Variants in SIPA1L2 observed in about 807,000 individuals in gnomAD.
SIPA1L2 encodes signal-induced proliferation-associated 1-like protein 2.
Under a neutral mutation model 163.9 loss-of-function variants are expected in SIPA1L2, and 56 were observed. That is an observed-to-expected ratio of 0.34 (90% CI 0.28 to 0.43). The LOEUF is 0.43. SIPA1L2 is among the 20% of genes least tolerant of loss of function. The pLI, the probability that SIPA1L2 is intolerant of heterozygous loss-of-function variation, is 1.00. For missense variants in SIPA1L2, 1,974 were observed against 2,193.5 expected (o/e 0.90, Z 2.00); for synonymous variants, 877 against 865.7 (o/e 1.01, Z -0.23).
In SIPA1L2 at chr1:232,415,425, T is replaced by C. The variant is rs532876310; in HGVS notation, c.4762+69A>G. On this transcript the variant is annotated intron_variant, in intron 19 of 22. Coordinates refer to ENST00000674635, the MANE Select transcript of SIPA1L2 (RefSeq NM_020808.5). The stretch of plus-strand genomic sequence containing the variant: ...GGGAGACAGACGGGCTCCCCTAAGA[T>C]GCCGCACAGGCCCTGCAGGAAAGCA... The C allele has an allele frequency of 4.0e-6, 6 of 1,510,328 alleles. No homozygotes were observed. In the East Asian group the frequency reaches 1.5e-4, roughly 37 times the overall value. The allele number at this position is 1,510,328 out of a possible 1,614,324, so 93.6% of individuals were successfully genotyped here. A position where few individuals can be genotyped will look rare whatever the true frequency, so the allele number is the denominator to read the frequency against.
intron 3 of SIPA1L2, 122 bp downstream of exon 3, chr1:232,513,735 G>T: frequency 9.6e-7 from 1 of 1,041,194 alleles, no homozygotes; most frequent in Non-Finnish European, 1.4e-6. Context: ...ACAAGGTCAG[G>T]CCCAGTGGAC....
intron 13 of SIPA1L2, 146 bp from the exon 14 acceptor site, chr1:232,441,540 C>T (rs554030043): frequency 2.5e-4 from 195 of 795,840 alleles, no homozygotes; most frequent in Middle Eastern, 5.0e-4. Flanking sequence ...GGATATGTCA[C>T]AAAAGTATAC....
intron 18 of SIPA1L2, among the ~76,000 whole-genome samples, chr1:232,417,076 T>C (rs536101371): frequency 6.6e-6 from 1 of 152,304 alleles, no homozygotes; most frequent in Non-Finnish European, 1.5e-5. Flanking sequence ...ACCTGGCTGT[T>C]TGAGCCTGCA....
intron 1 of SIPA1L2, among the ~76,000 whole-genome samples, chr1:232,596,096 AG>A (rs891802386): frequency 6.6e-6 from 1 of 152,176 alleles, no homozygotes; most frequent in African/African-American, 2.4e-5. Context: ...GTGAGGGTGG[AG>A]GCTAGACACA....
chr1:232,578,537 T>C (rs1660201125), intron 1 of SIPA1L2, among the ~76,000 whole-genome samples: 2 of 152,236 alleles, frequency 1.3e-5, no homozygotes. Context: ...TACTCTCATC[T>C]ATATTCTTTA....
At chr1:232,458,597 T>G (rs1664057147) in intron 10 of SIPA1L2, among the ~76,000 whole-genome samples, 1 of 152,196 alleles carries the variant, frequency 6.6e-6, no homozygotes. Flanking sequence ...AGGTAACATT[T>G]TTGTCCAATT....
Position 232,516,557 on chromosome 1 carries a change from T to G in SIPA1L2, c.-269-949A>C, listed in dbSNP as rs139950976. ...GACTACTCATTTTCCCTGTTTGCCA[T>G]ATCCTAAAATATCATTTTATTTCCT... On this transcript the variant is annotated intron_variant, in intron 2 of 22. Transcript: ENST00000674635. 3.0e-3 allele frequency among the ~76,000 whole-genome samples: 455 copies of G among 152,330 alleles called. 3 individuals are homozygous for G. The highest frequency in any genetic ancestry group is 0.018 in the South Asian group (85 of 4,824).
In SIPA1L2 at chr1:232,432,324, C is replaced by T; in HGVS notation, c.4179G>A (p.Val1393=). Residue 1393 remains valine, a synonymous_variant, in exon 16 of 23, where the codon GTG becomes GTA. Transcript: ENST00000674635. ...MSKPYHRQGA[V]NKYVIGWKKS... is the part of the protein sequence containing the mutation. ...TCTTCCAGCCGATGACATATTTGTT[C>T]ACTGCCCCTTGTCTGTGGTAGGGCT... The T allele has an allele frequency of 6.2e-7, 1 of 1,614,178 alleles. No individual in the cohort carries two copies. Among genetic ancestry groups the T allele is most frequent in the East Asian group, 2.2e-5 (1 of 44,880 alleles).
In SIPA1L2 at chr1:232,629,361, C is replaced by G. The variant is rs1172142913; in HGVS notation, c.-319+508G>C. Among the ~76,000 whole-genome samples the G allele has an allele frequency of 2.0e-5, 3 of 152,192 alleles. No homozygotes were observed. In the East Asian group the frequency reaches 5.8e-4, roughly 29 times the overall value. ...GAAAGGTCGCGGTGAGTGAGAAGAG[C>G]GCTCGCCGGAGGCTCCCGGTCTTAC... On this transcript the variant is annotated intron_variant, in intron 1 of 22. Transcript: ENST00000674635.
chr1:232,548,246 C>T (rs1044309091), intron 2 of SIPA1L2, among the ~76,000 whole-genome samples: 2 of 152,192 alleles, frequency 1.3e-5, no homozygotes, highest in African/African-American at 4.8e-5. Context: ...AGCACAGATT[C>T]GAGAACTGTA....
chr1:232,498,673 C>T (rs6670048), intron 3 of SIPA1L2, among the ~76,000 whole-genome samples: 36,449 of 152,118 alleles, frequency 0.24, 4,521 homozygotes, highest in Admixed American at 0.34. Context: ...CAGCAAGCAG[C>T]CTAGCATCTT....
At chr1:232,575,228 C>G (rs1660016259) in intron 1 of SIPA1L2, among the ~76,000 whole-genome samples, 1 of 152,142 alleles carries the variant, frequency 6.6e-6, no homozygotes, top group Non-Finnish European at 1.5e-5. Flanking sequence ...TAAATGCTGC[C>G]AAGATCCAGC....
intron 20 of SIPA1L2, among the ~76,000 whole-genome samples, chr1:232,403,823 C>T (rs1201592383): frequency 6.6e-6 from 1 of 152,188 alleles, no homozygotes; most frequent in African/African-American, 2.4e-5. Flanking sequence ...TTAGCAGACA[C>T]TGGATTTGCT....
At chr1:232,523,762 T>C (rs746919800) in intron 2 of SIPA1L2, among the ~76,000 whole-genome samples, 1 of 152,222 alleles carries the variant, frequency 6.6e-6, no homozygotes, top group Non-Finnish European at 1.5e-5. Flanking sequence ...ATCTGTATTA[T>C]GGTGTTCAAC....
chr1:232,401,427 C>T lies in SIPA1L2; in HGVS notation c.5022+965G>A, dbSNP rs75186170. ...GTCTCCTAAACCCGGTTGGTTTACA[C>T]GCTGTGGTGCACCCATATCCGCTAT... On this transcript the variant is annotated intron_variant, in intron 22 of 22. Coordinates refer to ENST00000674635, the MANE Select transcript of SIPA1L2 (RefSeq NM_020808.5). 0.038 allele frequency among the ~76,000 whole-genome samples: 5,836 copies of T among 152,290 alleles called. 746 individuals are homozygous for T. The East Asian group carries it at 0.48, about 12-fold the overall frequency.
chr1:232,472,734 T>C (rs1365551501), intron 7 of SIPA1L2, among the ~76,000 whole-genome samples: 2 of 152,210 alleles, frequency 1.3e-5, no homozygotes, highest in African/African-American at 4.8e-5. Context: ...ACCACGACCT[T>C]ACCCTTAAAT....
chr1:232,507,098 CT>C (rs1666763543), intron 3 of SIPA1L2, among the ~76,000 whole-genome samples: 1 of 151,744 alleles, frequency 6.6e-6, no homozygotes, highest in African/African-American at 2.4e-5. Context: ...ATGGAATGTC[CT>C]TTTTCTGTAC....
chr1:232,569,209 T>C (rs1434359351), intron 2 of SIPA1L2, among the ~76,000 whole-genome samples: 1 of 152,190 alleles, frequency 6.6e-6, no homozygotes, highest in African/African-American at 2.4e-5. Flanking sequence ...ATCTGGAAAG[T>C]GTTTGTGTTT....
At chr1:232,498,364 G>A (rs553005386) in intron 3 of SIPA1L2, among the ~76,000 whole-genome samples, 1 of 152,170 alleles carries the variant, frequency 6.6e-6, no homozygotes, top group Admixed American at 6.5e-5. Flanking sequence ...ACAATTTCTT[G>A]AAGTATTTAT....
Sources: allele counts gnomAD v4.1 joint callset (sites outside exome capture counted in the v4.1 genomes callset), GRCh38; gene constraint gnomAD v4.1.1; transcripts MANE v1.5; gene names NCBI Gene and HGNC (gene_info 2026-07-23, HGNC 2026-07-21).